SPIRE1: variants seen among roughly 807,000 people sequenced by gnomAD.
The protein encoded by SPIRE1 is protein spire homolog 1.
In SPIRE1, 40 loss-of-function variants were observed where a neutral mutation model predicts 94.1. The ratio of observed to expected loss-of-function variants is 0.43; its 90% confidence interval spans 0.33 to 0.55. The LOEUF (loss-of-function observed/expected upper bound fraction) is 0.55. Ranked by LOEUF, SPIRE1 falls within the 20% of genes least tolerant of loss-of-function variation. The probability of loss-of-function intolerance (pLI) is 0.06; values close to 1 mark genes in which losing one functional copy is unlikely to be tolerated. For synonymous variants in SPIRE1, 376 were observed against 371.7 expected (o/e 1.01, Z -0.13); for missense variants, 838 against 975.2 (o/e 0.86, Z 1.87).
chr18:12,559,702 T>C lies in SPIRE1; in HGVS notation c.373-12798A>G, dbSNP rs1177073558. Among the ~76,000 whole-genome samples, 1 of 152,184 alleles carries C rather than the reference T, an allele frequency of 6.6e-6. No homozygotes were observed. The highest frequency in any genetic ancestry group is 2.4e-5 in the African/African-American group (1 of 41,430). On this transcript the variant is annotated intron_variant, in intron 2 of 16. Transcript: ENST00000409402. This position sits in a 1 kb window ranked among gnomAD's most constrained non-coding sequence, Gnocchi z 4.7. ...GATGTTAGACTGGGCAAAGATTTCTTGAGTAATAACCCACAGGCACAGGGA... is the reference window on the plus strand; with the variant it reads ...GATGTTAGACTGGGCAAAGATTTCTCGAGTAATAACCCACAGGCACAGGGA...
At chr18:12,616,389 A>G (rs1370961217) in intron 2 of SPIRE1, among the ~76,000 whole-genome samples, 1 of 152,202 alleles carries the variant, frequency 6.6e-6, no homozygotes, top group Non-Finnish European at 1.5e-5. Context: ...AAAGCAAAGG[A>G]CAGAGAGAAG....
chr18:12,463,523 T>C (rs931344253), intron 11 of SPIRE1, 30 bp from the exon 12 acceptor site: 6 of 1,578,724 alleles, frequency 3.8e-6, no homozygotes, highest in Non-Finnish European at 5.2e-6. Context: ...AAATAAAACT[T>C]ACTGTGAATT....
chr18:12,589,686 T>A (rs2144580047), intron 2 of SPIRE1, among the ~76,000 whole-genome samples: 1 of 152,276 alleles, frequency 6.6e-6, no homozygotes, highest in East Asian at 1.9e-4. Context: ...TGAGAAGAAC[T>A]GGGGCAAGGA....
At position 12,506,464 on chromosome 18, in the gene SPIRE1, C is replaced by T. The variant is rs1010550884; in HGVS notation, c.972+13G>A. The T allele has an allele frequency of 1.9e-6, 3 of 1,613,232 alleles. No homozygotes were observed. Among genetic ancestry groups the T allele is most frequent in the African/African-American group, 2.7e-5 (2 of 74,874 alleles). Reference sequence around the variant, plus strand: ...GTGAGCCACATGCCCGGCCTGACAGCTTGGTTACTTACCATCACTTTTCGC... The same window carrying T: ...GTGAGCCACATGCCCGGCCTGACAGTTTGGTTACTTACCATCACTTTTCGC... On this transcript the variant is annotated intron_variant, in intron 6 of 16. Transcript: ENST00000409402.
chr18:12,650,660 A>C (rs1357665273), intron 1 of SPIRE1, among the ~76,000 whole-genome samples: 1 of 151,234 alleles, frequency 6.6e-6, no homozygotes, highest in Non-Finnish European at 1.5e-5. Context: ...CAGTAAGCCA[A>C]GATCACGCCG....
chr18:12,532,204 C>T lies in SPIRE1; in HGVS notation c.729+3272G>A, dbSNP rs889528699. Among the ~76,000 whole-genome samples, 10 of 152,250 alleles carry T rather than the reference C, an allele frequency of 6.6e-5. No individual in the cohort carries two copies. The South Asian group carries it at 1.9e-3, about 28-fold the overall frequency. ...ATCATGAAAGGGATTAGAATATAAACAAATTTGCTTTCTAAATAAATAGAT... is the reference window on the plus strand; with the variant it reads ...ATCATGAAAGGGATTAGAATATAAATAAATTTGCTTTCTAAATAAATAGAT... On this transcript the variant is annotated intron_variant, in intron 4 of 16. Transcript: ENST00000409402.
intron 10 of SPIRE1, among the ~76,000 whole-genome samples, chr18:12,479,170 CTTTTTCTTTTTTTTTTT>C (rs2032746099): frequency 7.6e-6 from 1 of 132,266 alleles, no homozygotes; most frequent in African/African-American, 3.0e-5. Context: ...TTTTTTTTTT[CTTTTTCTTTTTTTTTTT>C]TTTTTGAGAC....
rs553436562 is a variant in SPIRE1, at chr18:12,589,316, A to G, written c.373-42412T>C. ...GGCCACTATAGAGCTCCATTCATAT[A>G]AAGTAAAAGGCAACAGAGCTAAAGA... On this transcript the variant is annotated intron_variant, in intron 2 of 16. Coordinates refer to ENST00000409402, the MANE Select transcript of SPIRE1 (RefSeq NM_001128626.2). 1.2e-3 allele frequency among the ~76,000 whole-genome samples: 186 copies of G among 152,240 alleles called. 1 individual carries two copies. Among genetic ancestry groups the G allele is most frequent in the African/African-American group, 4.3e-3 (177 of 41,550 alleles).
In SPIRE1 at chr18:12,539,614, C is replaced by T. The variant is rs9953831; in HGVS notation, c.604-4013G>A. Among the ~76,000 whole-genome samples, 417 of 150,842 alleles carry T rather than the reference C, an allele frequency of 2.8e-3. 2 individuals are homozygous for T. The highest frequency in any genetic ancestry group is 8.9e-3 in the African/African-American group (364 of 40,858). On this transcript the variant is annotated intron_variant, in intron 3 of 16. Coordinates refer to ENST00000409402, the MANE Select transcript of SPIRE1 (RefSeq NM_001128626.2). The stretch of plus-strand genomic sequence containing the variant: ...ACACACACACACACACACACACACA[C>T]GTTGGGAATAACAGCTACTATTAAG...
At chr18:12,500,543 C>A (rs1159268759) in intron 6 of SPIRE1, among the ~76,000 whole-genome samples, 1 of 152,156 alleles carries the variant, frequency 6.6e-6, no homozygotes, top group African/African-American at 2.4e-5. Context: ...TGCTGTGGAA[C>A]ACGGTTTGGT....
chr18:12,558,879 G>A (rs556742437), intron 2 of SPIRE1, among the ~76,000 whole-genome samples: 89 of 152,026 alleles, frequency 5.9e-4, no homozygotes, highest in African/African-American at 2.0e-3. Context: ...CACAAACCCC[G>A]AGCTAGACAC....
intron 2 of SPIRE1, among the ~76,000 whole-genome samples, chr18:12,607,231 T>C (rs1032030920): frequency 5.3e-5 from 8 of 152,372 alleles, no homozygotes; most frequent in Middle Eastern, 3.4e-3. Context: ...TTCGTTTTTT[T>C]AGAAAGACCT....
intron 2 of SPIRE1, among the ~76,000 whole-genome samples, chr18:12,620,553 AG>A (rs932496034): frequency 6.6e-5 from 10 of 152,360 alleles, no homozygotes; most frequent in African/African-American, 2.4e-4. Flanking sequence ...ACCATCCAAC[AG>A]GTAAAAAATA....
chr18:12,494,836 C>T (rs1208278286), intron 7 of SPIRE1, among the ~76,000 whole-genome samples: 1 of 28,392 alleles, frequency 3.5e-5, no homozygotes, highest in Non-Finnish European at 6.4e-5. Flanking sequence ...GAGACTCCAT[C>T]TCAAAAAAAA....
intron 5 of SPIRE1, among the ~76,000 whole-genome samples, chr18:12,507,034 A>C (rs2033858633): frequency 6.6e-6 from 1 of 152,234 alleles, no homozygotes; most frequent in Non-Finnish European, 1.5e-5. Context: ...GATAAGACCA[A>C]GGGCTTCAAA....
chr18:12,585,026 G>A (rs960361338), intron 2 of SPIRE1, among the ~76,000 whole-genome samples: 103 of 152,128 alleles, frequency 6.8e-4, no homozygotes, highest in African/African-American at 2.4e-3. Context: ...GGCTGCTCTC[G>A]AACTCTTGAC....
At chr18:12,530,980 T>G (rs952381297) in intron 4 of SPIRE1, among the ~76,000 whole-genome samples, 4 of 152,220 alleles carry the variant, frequency 2.6e-5, no homozygotes, top group African/African-American at 7.2e-5. Context: ...AAAAATCAAC[T>G]GACTTTCTAG....
intron 2 of SPIRE1, among the ~76,000 whole-genome samples, chr18:12,590,436 A>G (rs1399447859): frequency 1.3e-5 from 2 of 152,170 alleles, no homozygotes; most frequent in African/African-American, 4.8e-5. Context: ...TTCCCTTTCA[A>G]TGCAATCTGA....
At chr18:12,607,272 C>T (rs958004690) in intron 2 of SPIRE1, among the ~76,000 whole-genome samples, 8 of 152,162 alleles carry the variant, frequency 5.3e-5, no homozygotes, top group African/African-American at 9.7e-5. Context: ...GTATCTTACA[C>T]GTTTTTCTTT....
Sources: gnomAD v4.1 joint callset for allele counts (sites outside exome capture counted in the v4.1 genomes callset) on GRCh38, gnomAD v4.1.1 for gene constraint, Gnocchi (gnomAD v3.1) non-coding constraint, MANE v1.5 for transcripts, NCBI Gene and HGNC (gene_info 2026-07-23, HGNC 2026-07-21) for gene names.